The following SOS2 variants were observed in gnomAD, a reference collection of about 807,000 sequenced individuals.
The protein encoded by SOS2 is SOS Ras/Rho guanine nucleotide exchange factor 2.
A neutral mutation model predicts 148.2 loss-of-function variants in SOS2; 65 were observed. The ratio of observed to expected loss-of-function variants is 0.44; its 90% CI spans 0.36 to 0.54. The LOEUF (loss-of-function observed/expected upper bound fraction) is 0.54, where lower values mean the gene tolerates loss of function less well. Among genes scored for constraint, SOS2 ranks in the 20% least tolerant of loss-of-function variants. The pLI is 0.00. For synonymous variants in SOS2, 539 were observed against 537.1 expected, an observed-to-expected ratio of 1.00 and a Z score of -0.05; for missense variants, 1,341 against 1,590.2, an observed-to-expected ratio of 0.84 and a Z score of 2.67.
chr14:50,228,218 T>A (rs889967546), intron 1 of SOS2, among the ~76,000 whole-genome samples: 2 of 151,696 alleles, frequency 1.3e-5, no homozygotes, highest in African/African-American at 4.8e-5. Context: ...ATTTTTGGTA[T>A]TTTTTAGTAG....
intron 7 of SOS2, among the ~76,000 whole-genome samples, chr14:50,179,827 G>A (rs1320635434): frequency 6.6e-6 from 1 of 151,980 alleles, no homozygotes; most frequent in East Asian, 1.9e-4. Context: ...CAACTAACTT[G>A]CATACTCTCC....
At chr14:50,142,272 T>C (rs1181545052) in intron 16 of SOS2, among the ~76,000 whole-genome samples, 1 of 152,154 alleles carries the variant, frequency 6.6e-6, no homozygotes, top group African/African-American at 2.4e-5. Flanking sequence ...CCTCCCAAAG[T>C]GTTGGGATTA....
At chr14:50,204,624 A>G (rs1886603146) in intron 1 of SOS2, among the ~76,000 whole-genome samples, 1 of 152,180 alleles carries the variant, frequency 6.6e-6, no homozygotes, top group Admixed American at 6.5e-5. Flanking sequence ...TGAAAAATCT[A>G]TGGAAAGCCA....
chr14:50,191,842 T>C (rs1886149443), intron 4 of SOS2, among the ~76,000 whole-genome samples: 1 of 152,088 alleles, frequency 6.6e-6, no homozygotes, highest in African/African-American at 2.4e-5. Flanking sequence ...TCTGTAAATA[T>C]AAATGGATGG....
Position 50,230,289 on chromosome 14 carries a change from G to A in SOS2, c.87+908C>T, listed in dbSNP as rs115178243. Among the ~76,000 whole-genome samples the A allele has an allele frequency of 5.8e-3, 877 of 152,172 alleles. 11 individuals are homozygous for A. Among genetic ancestry groups the A allele is most frequent in the African/African-American group, 0.019 (788 of 41,506 alleles). ...GTATTCTTGGTTATTTTGCACAAAA[G>A]GCAGAAGAGACTAAGTCTGCATTAA... On this transcript the variant is annotated intron_variant, in intron 1 of 22. Transcript: ENST00000216373.
At chr14:50,158,811 T>C (rs1242840548) in intron 10 of SOS2, among the ~76,000 whole-genome samples, 165 bp from the exon 11 acceptor site, 1 of 152,198 alleles carries the variant, frequency 6.6e-6, no homozygotes, top group Non-Finnish European at 1.5e-5. Context: ...ATGGTATCCC[T>C]GCCATACATA....
chr14:50,196,409 T>C (rs905476302), intron 4 of SOS2, among the ~76,000 whole-genome samples: 21 of 152,186 alleles, frequency 1.4e-4, no homozygotes, highest in Non-Finnish European at 3.1e-4. Context: ...TTTATCCTTT[T>C]TTTGTGTTAC....
chr14:50,183,356 C>T (rs1157860649), intron 5 of SOS2, among the ~76,000 whole-genome samples: 9 of 150,000 alleles, frequency 6.0e-5, no homozygotes, highest in African/African-American at 2.2e-4. Flanking sequence ...GAGAGGTCAA[C>T]GTACTTTGGA....
chr14:50,187,986 A>C (rs1015938323), intron 5 of SOS2, among the ~76,000 whole-genome samples: 6 of 152,180 alleles, frequency 3.9e-5, no homozygotes, highest in Non-Finnish European at 7.3e-5. Flanking sequence ...CCCCAGTATA[A>C]ACCTCCTTCT....
intron 7 of SOS2, among the ~76,000 whole-genome samples, chr14:50,178,831 TC>T (rs1420763265): frequency 6.6e-6 from 1 of 151,552 alleles, no homozygotes; most frequent in Non-Finnish European, 1.5e-5. Flanking sequence ...CCTCCCGGGT[TC>T]AAGCAATTCT....
At chr14:50,177,745 G>T (rs1490504373) in intron 7 of SOS2, among the ~76,000 whole-genome samples, 1 of 152,068 alleles carries the variant, frequency 6.6e-6, no homozygotes, top group Non-Finnish European at 1.5e-5. Flanking sequence ...TTTGACAATA[G>T]AGAAGTGGAA....
chr14:50,118,881 C>T (rs779451524), intron 22 of SOS2, 28 bp from the exon 23 acceptor site: 5 of 1,351,520 alleles, frequency 3.7e-6, no homozygotes, highest in Non-Finnish European at 4.9e-6. Flanking sequence ...TTAAATTATA[C>T]CTCTATTCTG....
intron 16 of SOS2, among the ~76,000 whole-genome samples, chr14:50,143,823 A>ATTT (rs35436971): frequency 8.2e-5 from 11 of 134,544 alleles, no homozygotes; most frequent in South Asian, 2.4e-4. Context: ...ATGCCTGGCT[A>ATTT]TTTTTTTTTT....
At chr14:50,195,707 G>A (rs559870928) in intron 4 of SOS2, among the ~76,000 whole-genome samples, 2 of 152,250 alleles carry the variant, frequency 1.3e-5, no homozygotes, top group East Asian at 3.9e-4. Flanking sequence ...GCTGCAGTGA[G>A]CCTGGGTGAC....
At chr14:50,185,056 G>A (rs1405398773) in intron 5 of SOS2, among the ~76,000 whole-genome samples, 2 of 152,054 alleles carry the variant, frequency 1.3e-5, no homozygotes, top group Non-Finnish European at 2.9e-5. Flanking sequence ...TCATTTTAAA[G>A]TCCTTCATAA....
At chr14:50,120,763 G>A (rs1346323876) in intron 21 of SOS2, among the ~76,000 whole-genome samples, 2 of 106,944 alleles carry the variant, frequency 1.9e-5, no homozygotes, top group African/African-American at 7.4e-5. Flanking sequence ...TTTTTGAGAC[G>A]GAGTCCCACT....
chr14:50,161,310 GA>G (rs1885002475), intron 9 of SOS2, among the ~76,000 whole-genome samples, 171 bp downstream of exon 9: 1 of 150,502 alleles, frequency 6.6e-6, no homozygotes, highest in Non-Finnish European at 1.5e-5. Context: ...AAAAAAAAAG[GA>G]AAGGAAAAGG....
At chr14:50,188,305 T>C (rs1885991448) in intron 5 of SOS2, among the ~76,000 whole-genome samples, 192 bp downstream of exon 5, 1 of 152,120 alleles carries the variant, frequency 6.6e-6, no homozygotes, top group Admixed American at 6.5e-5. Flanking sequence ...CTCAGGAGGC[T>C]GAGGCAGGAA....
chr14:50,212,710 T>C (rs934561189), intron 1 of SOS2, among the ~76,000 whole-genome samples: 14 of 152,302 alleles, frequency 9.2e-5, no homozygotes, highest in Non-Finnish European at 1.8e-4. Flanking sequence ...GGGGAAATTA[T>C]CAATAAAATA....
Sources: gnomAD v4.1 joint callset for allele counts (sites outside exome capture counted in the v4.1 genomes callset) on GRCh38, gnomAD v4.1.1 for gene constraint, MANE v1.5 for transcripts, NCBI Gene and HGNC (gene_info 2026-07-23, HGNC 2026-07-21) for gene names.